TNIK: variants seen among roughly 807,000 people sequenced by gnomAD.
The protein encoded by TNIK is TRAF2 and NCK-interacting protein kinase.
Under a neutral mutation model 191.3 loss-of-function variants are expected in TNIK, and 49 were observed. That is an observed-to-expected ratio of 0.26 (90% CI 0.20 to 0.32). TNIK has a LOEUF of 0.32. Among genes scored for constraint, TNIK ranks in the 10% least tolerant of loss-of-function variants. The pLI is 1.00. For missense variants in TNIK, 1,155 were observed against 1,702.3 expected, an observed-to-expected ratio of 0.68 and a Z score of 5.66; for synonymous variants, 594 against 600.9, an observed-to-expected ratio of 0.99 and a Z score of 0.17.
chr3:171,222,275 G>A lies in TNIK; in HGVS notation c.180+5890C>T, dbSNP rs142318730. 1.8e-3 allele frequency among the ~76,000 whole-genome samples: 281 copies of A among 152,156 alleles called. 1 individual carries two copies. The highest frequency in any genetic ancestry group is 3.4e-3 in the Middle Eastern group (1 of 294). The stretch of plus-strand genomic sequence containing the variant: ...CTGGCTCGATTTGAATTCCAACCCT[G>A]CCATTTACTATCCATGAGGCTTGGG... On this transcript the variant is annotated intron_variant, in intron 3 of 32. Coordinates refer to ENST00000436636, the MANE Select transcript of TNIK (RefSeq NM_015028.4).
rs192051329 is a variant in TNIK, at chr3:171,097,087, A to G, written c.2592-3119T>C. ...AAAATCTATTCAGATATATCATAGA[A>G]CTTTACAGGAAAAAGAGTTAAACTT... On this transcript the variant is annotated intron_variant, in intron 22 of 32. Coordinates refer to ENST00000436636, the MANE Select transcript of TNIK (RefSeq NM_015028.4). Among the ~76,000 whole-genome samples the G allele has an allele frequency of 2.8e-3, 432 of 152,338 alleles. 1 individual carries two copies. The highest frequency in any genetic ancestry group is 4.1e-3 in the Non-Finnish European group (282 of 68,038).
At chr3:171,407,079 C>G (rs956535707) in intron 1 of TNIK, among the ~76,000 whole-genome samples, 9 of 152,072 alleles carry the variant, frequency 5.9e-5, no homozygotes, top group Non-Finnish European at 1.5e-5. Flanking sequence ...TCAAGAGGAG[C>G]TTGAAGGACA....
chr3:171,440,247 C>G (rs1254979072), intron 1 of TNIK, among the ~76,000 whole-genome samples: 2 of 152,138 alleles, frequency 1.3e-5, no homozygotes, highest in African/African-American at 4.8e-5. Context: ...GATTACTGCC[C>G]CTTTCCTTCC....
chr3:171,091,602 G>C (rs1049145018), intron 23 of TNIK, among the ~76,000 whole-genome samples: 1 of 152,006 alleles, frequency 6.6e-6, no homozygotes, highest in Non-Finnish European at 1.5e-5. Context: ...ATTTAGCTGG[G>C]CGTGCACCCG....
At chr3:171,316,499 T>C (rs776276815) in intron 2 of TNIK, among the ~76,000 whole-genome samples, 69 of 152,228 alleles carry the variant, frequency 4.5e-4, no homozygotes, top group Admixed American at 1.1e-3. Context: ...CCAAACAGTA[T>C]GAGCAAAGGC....
At chr3:171,092,554 A>C (rs1227791800) in intron 23 of TNIK, among the ~76,000 whole-genome samples, 11 of 152,194 alleles carry the variant, frequency 7.2e-5, no homozygotes, top group Admixed American at 7.2e-4. Flanking sequence ...CCACATGAAG[A>C]GATTTATATG....
At chr3:171,176,357 A>G (rs947786337) in intron 8 of TNIK, among the ~76,000 whole-genome samples, 6 of 152,238 alleles carry the variant, frequency 3.9e-5, no homozygotes, top group African/African-American at 1.4e-4. Context: ...GGTAAAAGTC[A>G]TAAGTATAAT....
At chr3:171,182,167 A>ATTTT (rs749734562) in intron 7 of TNIK, among the ~76,000 whole-genome samples, 10 of 65,614 alleles carry the variant, frequency 1.5e-4, no homozygotes, top group Non-Finnish European at 2.6e-4. Flanking sequence ...CATTGTTAGG[A>ATTTT]TTTTTTTTTT....
At chr3:171,156,621 G>A (rs191795383) in intron 12 of TNIK, among the ~76,000 whole-genome samples, 11 of 152,362 alleles carry the variant, frequency 7.2e-5, no homozygotes, top group Middle Eastern at 3.4e-3. Flanking sequence ...TCTGGGCAAA[G>A]TTCTGGGAAG....
chr3:171,321,194 C>G (rs900706208), intron 2 of TNIK, among the ~76,000 whole-genome samples: 2 of 152,196 alleles, frequency 1.3e-5, no homozygotes, highest in Non-Finnish European at 2.9e-5. Flanking sequence ...AGCACTCAAT[C>G]ACAACTGCTG....
intron 12 of TNIK, among the ~76,000 whole-genome samples, chr3:171,148,208 C>T (rs958189147): frequency 2.0e-5 from 3 of 152,238 alleles, no homozygotes; most frequent in African/African-American, 7.2e-5. Flanking sequence ...GATTAGCAGA[C>T]AGCCCCATGG....
chr3:171,333,839 A>G (rs1211588389), intron 2 of TNIK, among the ~76,000 whole-genome samples: 1 of 152,236 alleles, frequency 6.6e-6, no homozygotes, highest in Non-Finnish European at 1.5e-5. Context: ...CGACAGATAC[A>G]GCACAGGGAG....
intron 9 of TNIK, among the ~76,000 whole-genome samples, chr3:171,169,184 G>A (rs148553044): frequency 2.6e-5 from 4 of 152,088 alleles, no homozygotes; most frequent in East Asian, 1.9e-4. Context: ...AATTAAGACA[G>A]AAAGGTATGA....
intron 12 of TNIK, among the ~76,000 whole-genome samples, chr3:171,143,788 G>C (rs1214398084): frequency 1.3e-5 from 2 of 152,200 alleles, no homozygotes; most frequent in African/African-American, 2.4e-5. Context: ...TAGAAGAGGG[G>C]AGAGCCCTGC....
intron 7 of TNIK, among the ~76,000 whole-genome samples, chr3:171,182,951 A>G (rs1012436151): frequency 6.6e-6 from 1 of 152,254 alleles, no homozygotes; most frequent in Non-Finnish European, 1.5e-5. Context: ...GACTGGTAAG[A>G]GAATTCAATA....
chr3:171,378,640 G>A, intron 1 of TNIK, among the ~76,000 whole-genome samples: 1 of 152,002 alleles, frequency 6.6e-6, no homozygotes, highest in Middle Eastern at 3.2e-3. Context: ...ATATTATCTG[G>A]ATGGAGCAAG....
intron 28 of TNIK, 122 bp from the exon 29 acceptor site, chr3:171,071,445 A>G (rs531722424): frequency 1.3e-6 from 1 of 762,948 alleles, no homozygotes; most frequent in Non-Finnish European, 2.0e-6. Context: ...TGTCAGCTTC[A>G]TGAAGGTGAT....
At position 171,420,500 on chromosome 3, in the gene TNIK, T is replaced by C. The variant is rs1723657111; in HGVS notation, c.57+39507A>G. ...GACATGAGAGTTCTATTCCCAGCTA[T>C]ACCACAGAATAGCTATGAGTGCAAG... On this transcript the variant is annotated intron_variant, in intron 1 of 32. Coordinates refer to ENST00000436636, the MANE Select transcript of TNIK (RefSeq NM_015028.4). Among the ~76,000 whole-genome samples, 4 of 152,102 alleles carry C rather than the reference T, an allele frequency of 2.6e-5. No homozygotes were observed. The South Asian group carries it at 8.3e-4, about 32-fold the overall frequency.
chr3:171,063,224 T>G lies in TNIK; in HGVS notation c.*657A>C, dbSNP rs918065804. The G allele has an allele frequency of 2.6e-5, 4 of 152,214 alleles. No homozygotes were observed. Among genetic ancestry groups the G allele is most frequent in the African/African-American group, 9.6e-5 (4 of 41,466 alleles). The allele number at this position is 152,214 out of a possible 1,614,324, so 9.4% of individuals were successfully genotyped here. On this transcript the variant is annotated 3_prime_UTR_variant, in exon 33 of 33. Transcript: ENST00000436636. ...AGTTTTAAGGCTAGTAGTTTAGCCATTTAAAATCTATTTCCCAAAAGAGGG... is the reference window on the plus strand; with the variant it reads ...AGTTTTAAGGCTAGTAGTTTAGCCAGTTAAAATCTATTTCCCAAAAGAGGG...
Sources: allele counts gnomAD v4.1 joint callset (sites outside exome capture counted in the v4.1 genomes callset), GRCh38; gene constraint gnomAD v4.1.1; transcripts MANE v1.5; gene names NCBI Gene and HGNC (gene_info 2026-07-23, HGNC 2026-07-21).